The following NOL4 variants were observed in gnomAD, a reference collection of about 807,000 sequenced individuals.
The protein encoded by NOL4 is cancer/testis antigen 125.
A neutral mutation model predicts 75.9 loss-of-function variants in NOL4; 17 were observed. That is an observed-to-expected ratio of 0.22 (90% CI 0.15 to 0.34). NOL4 has a LOEUF of 0.34. Ranked by LOEUF, NOL4 falls within the 10% of genes least tolerant of loss-of-function variation. The pLI, the probability that NOL4 is intolerant of heterozygous loss-of-function variation, is 1.00. For missense variants in NOL4, 614 were observed against 793.5 expected (o/e 0.77, Z 2.72); for synonymous variants, 292 against 289.9 (o/e 1.01, Z -0.07).
intron 10 of NOL4, among the ~76,000 whole-genome samples, chr18:33,857,460 T>C (rs2144182897): frequency 6.6e-6 from 1 of 152,140 alleles, no homozygotes; most frequent in African/African-American, 2.4e-5. Flanking sequence ...TATCTTGTAA[T>C]TTCAGATCGA....
chr18:33,890,802 G>A (rs1415068616), intron 9 of NOL4, among the ~76,000 whole-genome samples: 1 of 151,926 alleles, frequency 6.6e-6, no homozygotes, highest in Non-Finnish European at 1.5e-5. Context: ...CAGGTCAGAG[G>A]TAAATAATCA....
intron 1 of NOL4, among the ~76,000 whole-genome samples, chr18:34,161,564 A>G (rs1246508494): frequency 6.6e-6 from 1 of 152,048 alleles, no homozygotes; most frequent in Non-Finnish European, 1.5e-5. Flanking sequence ...TATCTCCTGT[A>G]GGTTCTGATT....
chr18:34,189,257 T>C (rs2034730961), intron 1 of NOL4, among the ~76,000 whole-genome samples: 1 of 152,120 alleles, frequency 6.6e-6, no homozygotes, highest in South Asian at 2.1e-4. Context: ...TTTATATTAA[T>C]AACCACCTGA....
intron 10 of NOL4, 31 bp downstream of exon 10, chr18:33,883,213 A>C: frequency 5.9e-6 from 9 of 1,528,140 alleles, no homozygotes; most frequent in Non-Finnish European, 7.9e-6. Flanking sequence ...TAATAATTAA[A>C]AAAAAAACAC....
At chr18:34,082,468 T>C (rs927597677) in intron 5 of NOL4, among the ~76,000 whole-genome samples, 1 of 152,218 alleles carries the variant, frequency 6.6e-6, no homozygotes, top group African/African-American at 2.4e-5. Flanking sequence ...CAAGAAATTT[T>C]AGTTCTCGTC....
chr18:33,924,213 G>C (rs192211686), intron 9 of NOL4, among the ~76,000 whole-genome samples: 5 of 152,204 alleles, frequency 3.3e-5, no homozygotes, highest in African/African-American at 1.2e-4. Context: ...GCTGCGTCTT[G>C]GTATAATTGC....
intron 10 of NOL4, among the ~76,000 whole-genome samples, chr18:33,880,579 C>A (rs1319581620): frequency 1.3e-5 from 2 of 152,030 alleles, no homozygotes; most frequent in African/African-American, 4.8e-5. Context: ...GCTGACCGAG[C>A]ATGCCATTGA....
At chr18:33,932,219 T>C (rs1200421450) in intron 9 of NOL4, among the ~76,000 whole-genome samples, 4 of 152,096 alleles carry the variant, frequency 2.6e-5, no homozygotes, top group African/African-American at 7.2e-5. Flanking sequence ...GGACATTTTA[T>C]ATATATTTTT....
chr18:34,077,583 T>A (rs1304078084), intron 5 of NOL4, among the ~76,000 whole-genome samples: 1 of 152,094 alleles, frequency 6.6e-6, no homozygotes, highest in Non-Finnish European at 1.5e-5. Flanking sequence ...ATATAGTATT[T>A]AAACACAACA....
At chr18:34,094,908 C>T (rs977976382) in intron 4 of NOL4, among the ~76,000 whole-genome samples, 2 of 152,094 alleles carry the variant, frequency 1.3e-5, no homozygotes, top group Non-Finnish European at 2.9e-5. Flanking sequence ...CATCCAGACT[C>T]GAGGAAACAA....
chr18:34,067,301 G>A (rs2077321283), intron 5 of NOL4, among the ~76,000 whole-genome samples: 1 of 152,134 alleles, frequency 6.6e-6, no homozygotes, highest in Non-Finnish European at 1.5e-5. Context: ...TGTATTCCTG[G>A]CATGTTTGAG....
At chr18:33,961,093 A>G (rs989243781) in intron 6 of NOL4, among the ~76,000 whole-genome samples, 5 of 151,924 alleles carry the variant, frequency 3.3e-5, no homozygotes, top group African/African-American at 1.2e-4. Flanking sequence ...TTAATATATT[A>G]ATATATTACA....
chr18:33,855,922 T>C (rs1567961078), intron 10 of NOL4, among the ~76,000 whole-genome samples: 2 of 152,198 alleles, frequency 1.3e-5, no homozygotes, highest in Admixed American at 1.3e-4. Context: ...CTTATTTTTA[T>C]GGTCATATTT....
rs571812882 is a variant in NOL4, at chr18:34,162,335, C to G, written c.265-32315G>C. 3.9e-4 allele frequency among the ~76,000 whole-genome samples: 59 copies of G among 152,008 alleles called. 1 individual carries two copies. The highest frequency in any genetic ancestry group is 6.6e-4 in the Admixed American group (10 of 15,266). ...GAAAGGATCAACAAAATTGATAGACCGCTAGCAAGACTAATAAAGAAGAAA... is the reference window on the plus strand; with the variant it reads ...GAAAGGATCAACAAAATTGATAGACGGCTAGCAAGACTAATAAAGAAGAAA... On this transcript the variant is annotated intron_variant, in intron 1 of 10. Transcript: ENST00000261592.
rs1478384014 is a variant in NOL4 at position 34,183,364 on chromosome 18, G to A, written c.264+39626C>T. Among the ~76,000 whole-genome samples, 5 of 151,808 alleles carry A rather than the reference G, an allele frequency of 3.3e-5. No individual in the cohort carries two copies. The East Asian group carries it at 9.6e-4, about 29-fold the overall frequency. On this transcript the variant is annotated intron_variant, in intron 1 of 10. Coordinates refer to ENST00000261592, the MANE Select transcript of NOL4 (RefSeq NM_003787.5). ...AGATATCACTATACACTATTATAAT[G>A]GAGGATTAAAAACTCTGACAATGTC...
intron 5 of NOL4, among the ~76,000 whole-genome samples, chr18:34,062,026 T>C (rs1169565653): frequency 6.6e-6 from 1 of 151,796 alleles, no homozygotes; most frequent in South Asian, 2.1e-4. Context: ...TAGGAAAAAA[T>C]ATATAGCAGG....
At chr18:34,087,320 C>G (rs573878927) in intron 5 of NOL4, among the ~76,000 whole-genome samples, 22 of 152,150 alleles carry the variant, frequency 1.4e-4, no homozygotes, top group Admixed American at 9.2e-4. Context: ...ATCTCACAAT[C>G]AGATTGCTAT....
At chr18:34,046,064 TTTCCTGTCTATTCC>T (rs980653428) in intron 5 of NOL4, among the ~76,000 whole-genome samples, 21 of 152,136 alleles carry the variant, frequency 1.4e-4, no homozygotes, top group Non-Finnish European at 2.9e-5. Context: ...CTGTTGTAAA[TTTCCTGTCTATTCC>T]TTCCTCTTGC....
chr18:33,983,811 C>T lies in NOL4; in HGVS notation c.1057-25393G>A, dbSNP rs141984865. Among the ~76,000 whole-genome samples, 229 of 151,812 alleles carry T rather than the reference C, an allele frequency of 1.5e-3. 1 individual carries two copies. Among genetic ancestry groups the T allele is most frequent in the Middle Eastern group, 3.4e-3 (1 of 290 alleles). ...GAAGTTAAACCAAAAGCTTAGTTGC[C>T]CTTTTGCATTCATGTTAGATTGAAT... On this transcript the variant is annotated intron_variant, in intron 6 of 10. Transcript: ENST00000261592.
Sources: gnomAD v4.1 joint callset for allele counts (sites outside exome capture counted in the v4.1 genomes callset) on GRCh38, gnomAD v4.1.1 for gene constraint, MANE v1.5 for transcripts, NCBI Gene and HGNC (gene_info 2026-07-23, HGNC 2026-07-21) for gene names.